Variants in PPL observed in about 807,000 individuals in gnomAD.
PPL encodes periplakin, also known as 190 kDa paraneoplastic pemphigus antigen.
A neutral mutation model predicts 194.4 loss-of-function variants in PPL; 198 were observed. The observed-to-expected ratio is 1.02, with a 90% CI of 0.91 to 1.15. The LOEUF (loss-of-function observed/expected upper bound fraction) is 1.15. Ranked by LOEUF, PPL falls within the 50% of genes most tolerant of loss-of-function variation. The pLI, the probability that PPL is intolerant of heterozygous loss-of-function variation, is 0.00. For synonymous variants in PPL, 1,220 were observed against 972.4 expected (o/e 1.25, Z -4.74); for missense variants, 2,885 against 2,294.8 (o/e 1.26, Z -5.25).
chr16:4,921,748 T>G (rs1369841102), intron 1 of PPL, among the ~76,000 whole-genome samples: 1 of 152,114 alleles, frequency 6.6e-6, no homozygotes, highest in Middle Eastern at 3.2e-3. Context: ...ATTACAGGTG[T>G]GTACCACTGT....
rs1269409725 is a variant in PPL at position 4,902,733 on chromosome 16, A to G, written c.318-207T>C. On this transcript the variant is annotated intron_variant, in intron 3 of 21. Coordinates refer to ENST00000345988, the MANE Select transcript of PPL (RefSeq NM_002705.5). The surrounding 1 kb of genome is among the most constrained non-coding windows in gnomAD (Gnocchi z 4.0). ...GAGACAGAGTCTTGCTCTGTCACCC[A>G]GGCTGGAGTACAGTGACGTCATCTC... Among the ~76,000 whole-genome samples the G allele has an allele frequency of 1.0e-4, 15 of 149,352 alleles. No individual in the cohort carries two copies. Among genetic ancestry groups the G allele is most frequent in the Non-Finnish European group, 1.8e-4 (12 of 67,598 alleles).
At chr16:4,891,241 G>A (rs73519125) in intron 16 of PPL, among the ~76,000 whole-genome samples, 3 of 152,176 alleles carry the variant, frequency 2.0e-5, no homozygotes, top group Admixed American at 2.0e-4. Flanking sequence ...GTGTGAATAA[G>A]GGGCCTCAGG....
intron 2 of PPL, 127 bp from the exon 3 acceptor site, chr16:4,904,167 G>A: frequency 9.6e-7 from 1 of 1,039,938 alleles, no homozygotes; most frequent in African/African-American, 1.6e-5. Flanking sequence ...ACGTCTTCCA[G>A]GCTTGTCCAT....
Position 4,891,933 on chromosome 16 carries a change from G to T in PPL, c.1846C>A (p.Arg616Ser), listed in dbSNP as rs367594674. ...CTCTGCTGCAGGCTCTTCTCCAGGC[G>T]GTTGGCCACATCAACCCTGAGAGCA... ...LAQEKVDVAN[R>S]LEKSLQQSWE... Residue 616 changes from arginine to serine, a missense_variant, in exon 16 of 22, where the codon CGC (arginine) becomes AGC (serine). Coordinates refer to ENST00000345988, the MANE Select transcript of PPL (RefSeq NM_002705.5). 1.4e-4 allele frequency: 232 copies of T among 1,612,966 alleles called. No individual in the cohort carries two copies. Among genetic ancestry groups the T allele is most frequent in the Non-Finnish European group, 1.9e-4 (223 of 1,179,880 alleles).
chr16:4,934,514 G>A (rs915624174), intron 1 of PPL, among the ~76,000 whole-genome samples: 1 of 152,112 alleles, frequency 6.6e-6, no homozygotes, highest in African/African-American at 2.4e-5. Flanking sequence ...GTGCAGAAAG[G>A]GAAAACAAGG....
In PPL at chr16:4,897,861, G is replaced by C; in HGVS notation, c.877-91C>G. On this transcript the variant is annotated intron_variant, in intron 8 of 21. Coordinates refer to ENST00000345988, the MANE Select transcript of PPL (RefSeq NM_002705.5). Reference sequence around the variant, plus strand: ...TGGGATATTGGGCTGGGGCATGGCGGGGGAGGGAGGCATCTGGCATCTGTC... The same window carrying C: ...TGGGATATTGGGCTGGGGCATGGCGCGGGAGGGAGGCATCTGGCATCTGTC... The C allele has an allele frequency of 3.0e-6, 3 of 1,001,258 alleles. No homozygotes were observed. The South Asian group carries it at 4.2e-5, about 14-fold the overall frequency. The allele number at this position is 1,001,258 out of a possible 1,614,324, so 62.0% of individuals were successfully genotyped here.
At chr16:4,889,777 C>T (rs1022527424) in intron 18 of PPL, among the ~76,000 whole-genome samples, 4 of 152,282 alleles carry the variant, frequency 2.6e-5, no homozygotes, top group South Asian at 2.1e-4. Flanking sequence ...GGGGTGGACC[C>T]GGGATTTGCA....
chr16:4,893,007 C>T, intron 14 of PPL: 1 of 592,366 alleles, frequency 1.7e-6, no homozygotes, highest in Admixed American at 3.5e-5. Context: ...CAATGCAAGT[C>T]CTGCCAGCTC....
At chr16:4,911,350 T>C (rs1276744354) in intron 1 of PPL, among the ~76,000 whole-genome samples, 2 of 151,972 alleles carry the variant, frequency 1.3e-5, no homozygotes, top group Non-Finnish European at 2.9e-5. Context: ...TTAGTGGAGA[T>C]GGGGTTCCAC....
intron 2 of PPL, among the ~76,000 whole-genome samples, chr16:4,906,110 A>G (rs1377368025): frequency 6.6e-6 from 1 of 152,092 alleles, no homozygotes; most frequent in Non-Finnish European, 1.5e-5. Context: ...CCTACCTCAA[A>G]CCAACCAATC....
chr16:4,926,125 A>G (rs1185491320), intron 1 of PPL, among the ~76,000 whole-genome samples: 1 of 152,146 alleles, frequency 6.6e-6, no homozygotes, highest in South Asian at 2.1e-4. Flanking sequence ...AGCAGGTTTC[A>G]TCTCTGATCC....
chr16:4,927,271 C>G (rs1259014918), intron 1 of PPL, among the ~76,000 whole-genome samples: 1 of 152,180 alleles, frequency 6.6e-6, no homozygotes, highest in Non-Finnish European at 1.5e-5. Flanking sequence ...TACCAGGCAA[C>G]TGATACTGAA....
At chr16:4,891,436 CTTTTTTTTTTTTTT>C (rs57933525) in intron 16 of PPL, 82 of 113,742 alleles carry the variant, frequency 7.2e-4, no homozygotes, top group African/African-American at 2.7e-3. Flanking sequence ...GTGCTTTATG[CTTTTTTTTTTTTTT>C]TTTTTTTTTT....
intron 20 of PPL, 38 bp from the exon 21 acceptor site, chr16:4,887,265 G>A: frequency 6.9e-7 from 1 of 1,453,628 alleles, no homozygotes; most frequent in Non-Finnish European, 9.7e-7. Flanking sequence ...TCAACAAACA[G>A]GTGTCAACAG....
In PPL at chr16:4,882,963, C is replaced by T. The variant is rs748069132; in HGVS notation, c.*421G>A. The T allele has an allele frequency of 4.1e-5, 8 of 196,228 alleles. No individual in the cohort carries two copies. The highest frequency in any genetic ancestry group is 8.3e-5 in the Non-Finnish European group (8 of 96,476). The allele number at this position is 196,228 out of a possible 1,614,324, so 12.2% of individuals were successfully genotyped here. On this transcript the variant is annotated 3_prime_UTR_variant, in exon 22 of 22. Transcript: ENST00000345988. ...ATGTCATGCCAGGCAGCAGCCCCCA[C>T]GGGCCCAGGCCTTTGTGGGGCAGTG...
intron 1 of PPL, among the ~76,000 whole-genome samples, chr16:4,921,607 C>T (rs551787319): frequency 6.6e-6 from 1 of 152,282 alleles, no homozygotes; most frequent in South Asian, 2.1e-4. Context: ...GCTGGAATTA[C>T]AGACATGCAC....
At position 4,893,540 on chromosome 16, in the gene PPL, C is replaced by G; in HGVS notation, c.1492+1G>C. 1 of 1,612,424 alleles carries G rather than the reference C, an allele frequency of 6.2e-7. No individual in the cohort carries two copies. The highest frequency in any genetic ancestry group is 8.5e-7 in the Non-Finnish European group (1 of 1,179,730). On this transcript the variant is annotated splice_donor_variant, in intron 13 of 21. Coordinates refer to ENST00000345988, the MANE Select transcript of PPL (RefSeq NM_002705.5). LOFTEE classifies it high-confidence loss of function. ...CTCAGGCGAGTGGCCCTGGCACCCACCTCCGGGATTCTCGGTCTTCAGCAC... is the reference window on the plus strand; with the variant it reads ...CTCAGGCGAGTGGCCCTGGCACCCAGCTCCGGGATTCTCGGTCTTCAGCAC...
chr16:4,907,681 C>T (rs780483679), intron 2 of PPL, among the ~76,000 whole-genome samples: 3 of 152,030 alleles, frequency 2.0e-5, no homozygotes, highest in Non-Finnish European at 4.4e-5. Flanking sequence ...GACTTGTACA[C>T]ATTACATGGT....
chr16:4,906,375 C>T (rs1354779972), intron 2 of PPL, among the ~76,000 whole-genome samples: 1 of 152,152 alleles, frequency 6.6e-6, no homozygotes, highest in Non-Finnish European at 1.5e-5. Context: ...CAGGCGCCCA[C>T]CACCATGCCT....
Sources: allele counts gnomAD v4.1 joint callset (sites outside exome capture counted in the v4.1 genomes callset), GRCh38; gene constraint gnomAD v4.1.1; non-coding constraint Gnocchi (gnomAD v3.1); transcripts MANE v1.5; gene names NCBI Gene and HGNC (gene_info 2026-07-23, HGNC 2026-07-21).